FBXO32: variants seen among roughly 807,000 people sequenced by gnomAD.
The protein encoded by FBXO32 is F-box only protein 32.
Under a neutral mutation model 48.3 loss-of-function variants are expected in FBXO32, and 15 were observed. The observed-to-expected ratio is 0.31, with a 90% CI of 0.21 to 0.48. FBXO32 has a LOEUF of 0.48. Ranked by LOEUF, FBXO32 falls within the 20% of genes least tolerant of loss-of-function variation. The pLI is 0.99. For missense variants in FBXO32, 309 were observed against 432.7 expected, an observed-to-expected ratio of 0.71 and a Z score of 2.54; for synonymous variants, 154 against 165.9, an observed-to-expected ratio of 0.93 and a Z score of 0.55.
At position 123,503,451 on chromosome 8, in the gene FBXO32, A is replaced by G. The variant is rs1816541421; in HGVS notation, c.990T>C (p.His330=). The part of the protein sequence containing the change: ...CHILSWKGTD[H]PCTANNPESC... ...TCTCTGGGTTATTGGCAGTGCACGG[A>G]TGGTCAGTGCCCTGGAAAGGAACAC... Residue 330 remains histidine, a synonymous_variant, in exon 9 of 9, where the codon CAT becomes CAC. Coordinates refer to ENST00000517956, the MANE Select transcript of FBXO32 (RefSeq NM_058229.4). The G allele has an allele frequency of 6.2e-7, 1 of 1,613,882 alleles. No homozygotes were observed. Among genetic ancestry groups the G allele is most frequent in the Admixed American group, 1.7e-5 (1 of 60,014 alleles).
Position 123,540,838 on chromosome 8 carries a change from C to CT in FBXO32, c.116+60_116+61insA. 1 of 1,406,012 alleles carries CT rather than the reference C, an allele frequency of 7.1e-7. No individual in the cohort carries two copies. Among genetic ancestry groups the CT allele is most frequent in the East Asian group, 2.5e-5 (1 of 40,318 alleles). The allele number at this position is 1,406,012 out of a possible 1,614,324, so 87.1% of individuals were successfully genotyped here. A position where few individuals can be genotyped will look rare whatever the true frequency, so the allele number is the denominator to read the frequency against. On this transcript the variant is annotated intron_variant, in intron 1 of 8. Coordinates refer to ENST00000517956, the MANE Select transcript of FBXO32 (RefSeq NM_058229.4). This position sits in a 1 kb window ranked among gnomAD's most constrained non-coding sequence, Gnocchi z 6.4. ...CTGCCCCTCATTCGCCGTCCCTGCGCCCCCCAGACCAGCCCGGGTCAGTTT... is the reference window on the plus strand; with the variant it reads ...CTGCCCCTCATTCGCCGTCCCTGCGCTCCCCCAGACCAGCCCGGGTCAGTTT...
chr8:123,503,762 G>T (rs907944165), intron 8 of FBXO32, among the ~76,000 whole-genome samples: 1 of 152,144 alleles, frequency 6.6e-6, no homozygotes, highest in Non-Finnish European at 1.5e-5. Context: ...ATCAGTAAGT[G>T]AATGTAGTAT....
chr8:123,515,052 G>C (rs546677707), intron 4 of FBXO32, among the ~76,000 whole-genome samples: 2 of 152,080 alleles, frequency 1.3e-5, no homozygotes, highest in African/African-American at 4.8e-5. Flanking sequence ...ATATTTCTTG[G>C]TGCCCCACCC....
At position 123,513,516 on chromosome 8, in the gene FBXO32, AC is replaced by A; in HGVS notation, c.467-135del. 1.3e-6 allele frequency: 1 copy of A among 758,524 alleles called. No individual in the cohort carries two copies. The highest frequency in any genetic ancestry group is 2.1e-6 in the Non-Finnish European group (1 of 478,790). 47.0% of individuals were successfully genotyped at this position (758,524 alleles called of 1,614,324 possible). A position where few individuals can be genotyped will look rare whatever the true frequency, so the allele number is the denominator to read the frequency against. Reference sequence around the variant, plus strand: ...CTCTGGGGATATGGTTTTCTTCCTCACCAGTGTTTATTGTACGCTTGGCCAA... The same window carrying A: ...CTCTGGGGATATGGTTTTCTTCCTCACAGTGTTTATTGTACGCTTGGCCAA... On this transcript the variant is annotated intron_variant, in intron 5 of 8. Coordinates refer to ENST00000517956, the MANE Select transcript of FBXO32 (RefSeq NM_058229.4). This position sits in a 1 kb window ranked among gnomAD's most constrained non-coding sequence, Gnocchi z 4.3.
chr8:123,531,792 A>G, intron 4 of FBXO32, 106 bp downstream of exon 4: 1 of 1,369,592 alleles, frequency 7.3e-7, no homozygotes, highest in Non-Finnish European at 9.9e-7. Context: ...CAAAATTCTT[A>G]GGGTCCTAAA....
At chr8:123,539,452 G>C (rs914388017) in intron 1 of FBXO32, among the ~76,000 whole-genome samples, 1 of 152,132 alleles carries the variant, frequency 6.6e-6, no homozygotes, top group Non-Finnish European at 1.5e-5. Flanking sequence ...TTACTTTCCC[G>C]TAAATAAATT....
At chr8:123,524,761 G>A (rs977600136) in intron 4 of FBXO32, among the ~76,000 whole-genome samples, 2 of 152,144 alleles carry the variant, frequency 1.3e-5, no homozygotes, top group Non-Finnish European at 1.5e-5. Flanking sequence ...CAGGCGATCC[G>A]CCTGCCGTGG....
chr8:123,513,774 G>T lies in FBXO32; in HGVS notation c.467-392C>A, dbSNP rs188318240. Among the ~76,000 whole-genome samples, 424 of 152,300 alleles carry T rather than the reference G, an allele frequency of 2.8e-3. 3 individuals are homozygous for T. The highest frequency in any genetic ancestry group is 3.9e-3 in the Non-Finnish European group (266 of 68,020). ...GCCTGGGTTCTAATCCTGTCTGGCT[G>T]ACTCTCTGTGTGATTATGGACAAAT... On this transcript the variant is annotated intron_variant, in intron 5 of 8. Coordinates refer to ENST00000517956, the MANE Select transcript of FBXO32 (RefSeq NM_058229.4). The surrounding 1 kb of genome is among the most constrained non-coding windows in gnomAD (Gnocchi z 4.3).
intron 8 of FBXO32, among the ~76,000 whole-genome samples, chr8:123,504,280 A>C (rs1816564734): frequency 6.6e-6 from 1 of 152,148 alleles, no homozygotes; most frequent in African/African-American, 2.4e-5. Context: ...TGCATCAATG[A>C]AAAAATTTTA....
At chr8:123,522,756 C>T (rs914075778) in intron 4 of FBXO32, among the ~76,000 whole-genome samples, 22 of 152,302 alleles carry the variant, frequency 1.4e-4, no homozygotes, top group African/African-American at 5.1e-4. Context: ...AAGCCTTCCA[C>T]TTGCCTTTCC....
chr8:123,515,113 GTATT>G (rs1816813217), intron 4 of FBXO32, among the ~76,000 whole-genome samples: 1 of 152,232 alleles, frequency 6.6e-6, no homozygotes, highest in Non-Finnish European at 1.5e-5. Context: ...ACAAGGTTGA[GTATT>G]TAATACCTTT....
chr8:123,524,937 C>T (rs1586998584), intron 4 of FBXO32, among the ~76,000 whole-genome samples: 1 of 152,200 alleles, frequency 6.6e-6, no homozygotes, highest in Non-Finnish European at 1.5e-5. Flanking sequence ...GCCGAGGCCA[C>T]CCTCCATCAG....
rs535000452 is a variant in FBXO32, at chr8:123,503,971, C to T, written c.979-509G>A. 1.1e-4 allele frequency among the ~76,000 whole-genome samples: 16 copies of T among 151,194 alleles called. No homozygotes were observed. In the South Asian group the frequency reaches 1.5e-3, roughly 14 times the overall value. On this transcript the variant is annotated intron_variant, in intron 8 of 8. Coordinates refer to ENST00000517956, the MANE Select transcript of FBXO32 (RefSeq NM_058229.4). Reference sequence around the variant, plus strand: ...GCATGTGCCTGTAGTCCCAGATACTCGGGGAGGCTGAAGCAGGAGAATTGC... The same window carrying T: ...GCATGTGCCTGTAGTCCCAGATACTTGGGGAGGCTGAAGCAGGAGAATTGC...
rs886434650 is a variant in FBXO32 at position 123,503,186 on chromosome 8, T to C, written c.*187A>G. On this transcript the variant is annotated 3_prime_UTR_variant, in exon 9 of 9. Coordinates refer to ENST00000517956, the MANE Select transcript of FBXO32 (RefSeq NM_058229.4). ...TTCCATACCAATTCTAGTGAGAAGTTCACATTCTTAAATTCCCAGTCAGCA... is the reference window on the plus strand; with the variant it reads ...TTCCATACCAATTCTAGTGAGAAGTCCACATTCTTAAATTCCCAGTCAGCA... The C allele has an allele frequency of 4.1e-6, 2 of 489,922 alleles. No homozygotes were observed. The highest frequency in any genetic ancestry group is 3.7e-5 in the South Asian group (1 of 27,058). 30.3% of individuals were successfully genotyped at this position (489,922 alleles called of 1,614,324 possible). A position where few individuals can be genotyped will look rare whatever the true frequency, so the allele number is the denominator to read the frequency against.
At chr8:123,505,397 A>G (rs1009555603) in intron 7 of FBXO32, among the ~76,000 whole-genome samples, 2 of 152,260 alleles carry the variant, frequency 1.3e-5, no homozygotes, top group African/African-American at 2.4e-5. Context: ...AACAATGCCT[A>G]TCCTTCCCTG....
intron 2 of FBXO32, among the ~76,000 whole-genome samples, chr8:123,534,315 T>C (rs982452063): frequency 2.0e-5 from 3 of 152,148 alleles, no homozygotes; most frequent in Admixed American, 6.5e-5. Flanking sequence ...TATCTAGAAA[T>C]GTTAATAAGA....
chr8:123,503,233 G>T lies in FBXO32; in HGVS notation c.*140C>A. On this transcript the variant is annotated 3_prime_UTR_variant, in exon 9 of 9. Coordinates refer to ENST00000517956, the MANE Select transcript of FBXO32 (RefSeq NM_058229.4). ...AGCAACTGCATTTCTCCCCTCCAAT[G>T]TCCTCTCCATGACTTATCTCTGAAG... 1.7e-6 allele frequency: 1 copy of T among 583,566 alleles called. No homozygotes were observed. The highest frequency in any genetic ancestry group is 2.9e-6 in the Non-Finnish European group (1 of 340,108). 36.1% of individuals were successfully genotyped at this position (583,566 alleles called of 1,614,324 possible).
chr8:123,537,435 A>T (rs1383946101), intron 1 of FBXO32, among the ~76,000 whole-genome samples: 1 of 152,198 alleles, frequency 6.6e-6, no homozygotes, highest in African/African-American at 2.4e-5. Flanking sequence ...CAACTTTTTA[A>T]AAATGTAGAA....
intron 6 of FBXO32, among the ~76,000 whole-genome samples, chr8:123,507,931 G>A (rs1816661570): frequency 6.6e-6 from 1 of 152,184 alleles, no homozygotes; most frequent in Admixed American, 6.5e-5. Context: ...ACAAAGCGCT[G>A]TGGGAAGAAT....
Sources: allele counts gnomAD v4.1 joint callset (sites outside exome capture counted in the v4.1 genomes callset), GRCh38; gene constraint gnomAD v4.1.1; non-coding constraint Gnocchi (gnomAD v3.1); transcripts MANE v1.5; gene names NCBI Gene and HGNC (gene_info 2026-07-23, HGNC 2026-07-21).